The following ARMCX3 variants were observed in gnomAD, a reference collection of about 807,000 sequenced individuals.
The protein encoded by ARMCX3 is armadillo repeat containing X-linked 3.
ARMCX3 carries 3 observed loss-of-function variants against 12.6 expected under a neutral mutation model. The ratio of observed to expected loss-of-function variants is 0.24; its 90% CI spans 0.11 to 0.61. The LOEUF (loss-of-function observed/expected upper bound fraction) is 0.61. ARMCX3 is among the 20% of genes least tolerant of loss of function. The pLI is 0.88. For missense variants in ARMCX3, 204 were observed against 286.1 expected (o/e 0.71, Z 2.07); for synonymous variants, 102 against 103.1 (o/e 0.99, Z 0.06).
chrX:101,625,841 T>C lies in ARMCX3; in HGVS notation c.862T>C (p.Ser288Pro), dbSNP rs1556038652. The C allele has an allele frequency of 1.7e-6, 2 of 1,207,878 alleles. No individual in the cohort carries two copies. The highest frequency in any genetic ancestry group is 2.2e-6 in the Non-Finnish European group (2 of 893,266). Residue 288 changes from serine to proline, a missense_variant, in exon 5 of 5, where the codon TCA becomes CCA. By Grantham distance (74) the Ser-to-Pro change is moderately conservative. Coordinates refer to ENST00000471229, the MANE Select transcript of ARMCX3 (RefSeq NM_177947.3). ...RELLRAQVPS[S>P]LGSLFNKKEN... is the part of the protein sequence containing the mutation. The stretch of plus-strand genomic sequence containing the variant: ...ACTGCTCAGGGCCCAAGTACCATCT[T>C]CACTGGGCTCCCTCTTTAATAAGAA...
At position 101,625,390 on chromosome X, in the gene ARMCX3, T is replaced by C. The variant is rs1556038425; in HGVS notation, c.411T>C (p.Tyr137=). 1 of 1,209,794 alleles carries C rather than the reference T, an allele frequency of 8.3e-7. No homozygotes were observed. The highest frequency in any genetic ancestry group is 2.2e-5 in the Admixed American group (1 of 45,751). The change falls in exon 5 of 5, where the codon TAT becomes TAC. Residue 137 remains tyrosine, a synonymous_variant. Transcript: ENST00000471229. ...TGGTTGAGATGTCTGAAAAGCCTTA[T>C]ATTCTTGAAGCAGCTTTAATTGCTC... is the stretch of plus-strand genomic sequence containing the variant. ...LCLVEMSEKP[Y]ILEAALIALG...
rs1556038534 is a variant in ARMCX3 at position 101,625,666 on chromosome X, A to T, written c.687A>T (p.Thr229=). The T allele has an allele frequency of 8.4e-7, 1 of 1,192,400 alleles. No homozygotes were observed. Among genetic ancestry groups the T allele is most frequent in the African/African-American group, 1.8e-5 (1 of 56,996 alleles). The change falls in exon 5 of 5, where the codon ACA becomes ACT. Residue 229 remains threonine (T), a synonymous_variant. Transcript: ENST00000471229. ...SVQLAGLRLL[T]NMTVTNEYQH... ...AGCTTGCTGGACTGAGATTGCTTACAAATATGACTGTTACTAATGAGTATC... is the reference window on the plus strand; with the variant it reads ...AGCTTGCTGGACTGAGATTGCTTACTAATATGACTGTTACTAATGAGTATC...
Position 101,624,883 on chromosome X carries a change from C to A in ARMCX3, c.-97C>A. ...TGGCCTTGAAGTGGCTGAAGACGAT[C>A]ACCCTCCACAGGCTTGAGCCCAGTC... On this transcript the variant is annotated 5_prime_UTR_variant, in exon 5 of 5. Transcript: ENST00000471229. 1 of 825,938 alleles carries A rather than the reference C, an allele frequency of 1.2e-6. No individual in the cohort carries two copies. The highest frequency in any genetic ancestry group is 3.8e-5 in the Admixed American group (1 of 26,624). The allele number at this position is 825,938 out of a possible 1,213,427, so 68.1% of individuals were successfully genotyped here.
At position 101,625,572 on chromosome X, in the gene ARMCX3, G is replaced by A; in HGVS notation, c.593G>A (p.Arg198His). The part of the protein sequence containing the change: ...NNLSVNAENQ[R>H]RLKVYMNQVC... ...TTGAGTGTGAATGCTGAAAATCAGCGCAGGCTTAAAGTATACATGAATCAA... is the reference window on the plus strand; with the variant it reads ...TTGAGTGTGAATGCTGAAAATCAGCACAGGCTTAAAGTATACATGAATCAA... The change falls in exon 5 of 5, where the codon CGC (arginine) becomes CAC (histidine). Residue 198 changes from arginine to histidine, a missense_variant. Coordinates refer to ENST00000471229, the MANE Select transcript of ARMCX3 (RefSeq NM_177947.3). 1 of 1,204,914 alleles carries A rather than the reference G, an allele frequency of 8.3e-7. No individual in the cohort carries two copies.
intron 3 of ARMCX3, 127 bp from the exon 4 acceptor site, chrX:101,624,353 G>T (rs2147766268): frequency 9.0e-6 from 1 of 111,195 alleles, no homozygotes; most frequent in Non-Finnish European, 1.9e-5. Context: ...GCAGACCTGT[G>T]CATGTCTGGG....
chrX:101,624,677 G>A (rs967428058), intron 4 of ARMCX3, 127 bp downstream of exon 4: 10 of 232,159 alleles, frequency 4.3e-5, no homozygotes, highest in Non-Finnish European at 7.7e-5. Flanking sequence ...GGATGGGGAG[G>A]GAAAGGCTGA....
At position 101,625,957 on chromosome X, in the gene ARMCX3, T is replaced by C. The variant is rs1731952929; in HGVS notation, c.978T>C (p.Asn326=). Residue 326 remains asparagine (N), a synonymous_variant, in exon 5 of 5, where the codon AAT becomes AAC. Coordinates refer to ENST00000471229, the MANE Select transcript of ARMCX3 (RefSeq NM_177947.3). The part of the protein sequence containing the change: ...FKWEENEPTQ[N]QFGEGSLFFF... Reference sequence around the variant, plus strand: ...GGGAAGAAAATGAACCTACTCAGAATCAATTCGGTGAAGGTTCACTTTTTT... The same window carrying C: ...GGGAAGAAAATGAACCTACTCAGAACCAATTCGGTGAAGGTTCACTTTTTT... 3.3e-6 allele frequency: 4 copies of C among 1,207,623 alleles called. No individual in the cohort carries two copies. The African/African-American group carries it at 7.0e-5, about 21-fold the overall frequency.
Position 101,625,115 on chromosome X carries a change from G to C in ARMCX3, c.136G>C (p.Val46Leu), listed in dbSNP as rs138397719. Residue 46 changes from valine to leucine, a missense_variant, in exon 5 of 5, where the codon GTG (valine) becomes CTG (leucine). Physicochemically the swap from Val to Leu is conservative, Grantham distance 32. Transcript: ENST00000471229. Reference protein sequence around the residue: ...EKMAEGGSGDVDDAGDCSGAR... With the variant: ...EKMAEGGSGDLDDAGDCSGAR... ...AATGGCTGAGGGTGGATCTGGGGAT[G>C]TGGATGATGCTGGGGACTGTTCTGG... 6.1e-4 allele frequency: 730 copies of C among 1,202,509 alleles called. 6 individuals are homozygous for C. In the Middle Eastern group the frequency reaches 0.011, roughly 18 times the overall value.
rs1301129701 is a variant in ARMCX3 at position 101,625,739 on chromosome X, G to A, written c.760G>A (p.Ala254Thr). 2 of 1,175,514 alleles carry A rather than the reference G, an allele frequency of 1.7e-6. No homozygotes were observed. The highest frequency in any genetic ancestry group is 3.6e-5 in the African/African-American group (2 of 55,172). The part of the protein sequence containing the change: ...SISDFFRLFS[A>T]GNEETKLQVL... ...TTCTGACTTTTTTCGTTTATTTTCAGCGGGAAATGAAGAAACCAAACTTCA... is the reference window on the plus strand; with the variant it reads ...TTCTGACTTTTTTCGTTTATTTTCAACGGGAAATGAAGAAACCAAACTTCA... The change falls in exon 5 of 5, where the codon GCG (alanine) becomes ACG (threonine). Residue 254 changes from alanine to threonine, a missense_variant. Ala to Thr is a moderately conservative substitution (Grantham distance 58, BLOSUM62 0). Coordinates refer to ENST00000471229, the MANE Select transcript of ARMCX3 (RefSeq NM_177947.3).
Position 101,625,343 on chromosome X carries a change from G to A in ARMCX3, c.364G>A (p.Glu122Lys). The change falls in exon 5 of 5, where the codon GAG becomes AAG. Residue 122 changes from glutamate to lysine, a missense_variant. By Grantham distance (56) the Glu-to-Lys change is moderately conservative. Coordinates refer to ENST00000471229, the MANE Select transcript of ARMCX3 (RefSeq NM_177947.3). ...AGATGATACCGTTTTGTCCCCTCAA[G>A]AGCTACAAAAGGTTCTTTGCTTGGT... The part of the protein sequence containing the change: ...NSDDTVLSPQ[E>K]LQKVLCLVEM... 8.3e-7 allele frequency: 1 copy of A among 1,211,082 alleles called. No homozygotes were observed. Among genetic ancestry groups the A allele is most frequent in the Non-Finnish European group, 1.1e-6 (1 of 895,203 alleles).
In ARMCX3 at chrX:101,625,922, A is replaced by C. The variant is rs782721194; in HGVS notation, c.943A>C (p.Asn315His). Residue 315 changes from asparagine to histidine, a missense_variant, in exon 5 of 5, where the codon AAT becomes CAT. Physicochemically the swap from Asn to His is moderately conservative, Grantham distance 68. Transcript: ENST00000471229. ...GGTCATATTTGAGAACATAAATGAT[A>C]ATTTCAAATGGGAAGAAAATGAACC... ...LLVIFENIND[N>H]FKWEENEPTQ... The C allele has an allele frequency of 1.6e-5, 19 of 1,199,704 alleles. No individual in the cohort carries two copies. The highest frequency in any genetic ancestry group is 2.0e-5 in the Non-Finnish European group (18 of 890,608).
rs1556039011 is a variant in ARMCX3, at chrX:101,626,888, T to C, written c.*769T>C. 3 of 123,320 alleles carry C rather than the reference T, an allele frequency of 2.4e-5. No homozygotes were observed. The highest frequency in any genetic ancestry group is 6.5e-5 in the African/African-American group (2 of 30,751). 10.2% of individuals were successfully genotyped at this position (123,320 alleles called of 1,213,427 possible). ...GGAGAATTGTTTGAATATTATCCCA[T>C]TGAATACCCAGAGCCACTAAATCTT... On this transcript the variant is annotated 3_prime_UTR_variant, in exon 5 of 5. Transcript: ENST00000471229.
In ARMCX3 at chrX:101,627,303, C is replaced by T. The variant is rs1322793770; in HGVS notation, c.*1184C>T. ...GTAAAAAAGGGTAGATAGAAGTATTCGAAGTATAGTTCCATTTTTTGAGAC... is the reference window on the plus strand; with the variant it reads ...GTAAAAAAGGGTAGATAGAAGTATTTGAAGTATAGTTCCATTTTTTGAGAC... On this transcript the variant is annotated 3_prime_UTR_variant, in exon 5 of 5. Transcript: ENST00000471229. 3 of 123,061 alleles carry T rather than the reference C, an allele frequency of 2.4e-5. No homozygotes were observed. The highest frequency in any genetic ancestry group is 6.5e-5 in the African/African-American group (2 of 30,723). The allele number at this position is 123,061 out of a possible 1,213,427, so 10.1% of individuals were successfully genotyped here. A position where few individuals can be genotyped will look rare whatever the true frequency, so the allele number is the denominator to read the frequency against.
chrX:101,627,648 A>G lies in ARMCX3; in HGVS notation c.*1529A>G, dbSNP rs1479530391. On this transcript the variant is annotated 3_prime_UTR_variant, in exon 5 of 5. Coordinates refer to ENST00000471229, the MANE Select transcript of ARMCX3 (RefSeq NM_177947.3). ...AAGATAAGGCTTATTGTGAGGATTC[A>G]GTGAGGTAATATATGCAAAGTACTT... is the stretch of plus-strand genomic sequence containing the variant. The G allele has an allele frequency of 2.4e-5, 3 of 124,001 alleles. No individual in the cohort carries two copies. Among genetic ancestry groups the G allele is most frequent in the African/African-American group, 9.7e-5 (3 of 31,066 alleles). The allele number at this position is 124,001 out of a possible 1,213,427, so 10.2% of individuals were successfully genotyped here. A position where few individuals can be genotyped will look rare whatever the true frequency, so the allele number is the denominator to read the frequency against.
Position 101,624,892 on chromosome X carries a change from C to A in ARMCX3, c.-88C>A. ...AGTGGCTGAAGACGATCACCCTCCA[C>A]AGGCTTGAGCCCAGTCCCACAGCCT... On this transcript the variant is annotated 5_prime_UTR_variant, in exon 5 of 5. Coordinates refer to ENST00000471229, the MANE Select transcript of ARMCX3 (RefSeq NM_177947.3). The A allele has an allele frequency of 1.1e-6, 1 of 899,575 alleles. No individual in the cohort carries two copies. The highest frequency in any genetic ancestry group is 1.5e-6 in the Non-Finnish European group (1 of 674,681). 74.1% of individuals were successfully genotyped at this position (899,575 alleles called of 1,213,427 possible).
rs782321224 is a variant in ARMCX3 at position 101,625,501 on chromosome X, T to A, written c.522T>A (p.Thr174=). Residue 174 remains threonine (T), a synonymous_variant, in exon 5 of 5, where the codon ACT becomes ACA. Coordinates refer to ENST00000471229, the MANE Select transcript of ARMCX3 (RefSeq NM_177947.3). ...GLPIVAKILN[T]RDPIVKEKAL... ...CAATTGTCGCAAAGATTCTCAATAC[T>A]CGGGATCCCATAGTTAAGGAAAAGG... 8.3e-7 allele frequency: 1 copy of A among 1,210,476 alleles called. No homozygotes were observed. The highest frequency in any genetic ancestry group is 1.1e-6 in the Non-Finnish European group (1 of 895,000).
At position 101,626,971 on chromosome X, in the gene ARMCX3, A is replaced by G. The variant is rs1484954094; in HGVS notation, c.*852A>G. 1 of 123,435 alleles carries G rather than the reference A, an allele frequency of 8.1e-6. No homozygotes were observed. Among genetic ancestry groups the G allele is most frequent in the Non-Finnish European group, 1.9e-5 (1 of 53,288 alleles). 10.2% of individuals were successfully genotyped at this position (123,435 alleles called of 1,213,427 possible). The stretch of plus-strand genomic sequence containing the variant: ...AAGTCTCTATTACTGAGTAGTGTCA[A>G]TGAGGGTGTGGCAAAATGGAGCCTT... On this transcript the variant is annotated 3_prime_UTR_variant, in exon 5 of 5. Transcript: ENST00000471229.
intron 4 of ARMCX3, 140 bp downstream of exon 4, chrX:101,624,690 T>C (rs41305441): frequency 2.5e-4 from 62 of 248,651 alleles, no homozygotes; most frequent in Non-Finnish European, 9.2e-5. Context: ...AAGGCTGAAA[T>C]GAGAGGCATA....
chrX:101,624,696 G>A (rs1307293006), intron 4 of ARMCX3, 138 bp from the exon 5 acceptor site: 3 of 257,003 alleles, frequency 1.2e-5, no homozygotes, highest in Non-Finnish European at 2.1e-5. Context: ...GAAATGAGAG[G>A]CATAGAGATT....
Sources: gnomAD v4.1 joint callset for allele counts on GRCh38, gnomAD v4.1.1 for gene constraint, MANE v1.5 for transcripts, NCBI Gene and HGNC (gene_info 2026-07-23, HGNC 2026-07-21) for gene names.